Variants in VTCN1 observed in about 807,000 individuals in gnomAD.
VTCN1 encodes V-set domain containing T cell activation inhibitor 1, also known as V-set domain-containing T-cell activation inhibitor 1.
VTCN1 carries 26 observed loss-of-function variants against 26.5 expected under a neutral mutation model. The ratio of observed to expected loss-of-function variants is 0.98; its 90% confidence interval spans 0.72 to 1.36. The LOEUF (loss-of-function observed/expected upper bound fraction) is 1.36. VTCN1 is among the 40% of genes most tolerant of loss of function. The pLI, the probability that VTCN1 is intolerant of heterozygous loss-of-function variation, is 0.00. For missense variants in VTCN1, 298 were observed against 337.7 expected (o/e 0.88, Z 0.92); for synonymous variants, 116 against 130.7 (o/e 0.89, Z 0.77).
rs1029076811 is a variant in VTCN1 at position 117,167,497 on chromosome 1, T to A, written c.97+2610A>T. Among the ~76,000 whole-genome samples, 33 of 152,342 alleles carry A rather than the reference T, an allele frequency of 2.2e-4. No individual in the cohort carries two copies. Among genetic ancestry groups the A allele is most frequent in the African/African-American group, 7.0e-4 (29 of 41,568 alleles). On this transcript the variant is annotated intron_variant, in intron 2 of 5. Coordinates refer to ENST00000369458, the MANE Select transcript of VTCN1 (RefSeq NM_024626.4). The surrounding 1 kb of genome is among the most constrained non-coding windows in gnomAD (Gnocchi z 4.1). ...TGCTCTTCTGTAGTTCCACATTATG[T>A]TTTGCATATGAAAATGTACTCAGTC...
chr1:117,194,573 C>A (rs888111603), intron 1 of VTCN1, among the ~76,000 whole-genome samples: 1 of 152,174 alleles, frequency 6.6e-6, no homozygotes, highest in Admixed American at 6.5e-5. Flanking sequence ...TGTACCCCCA[C>A]GTTCATTGCA....
At chr1:117,179,927 T>TA (rs1647588309) in intron 1 of VTCN1, among the ~76,000 whole-genome samples, 1 of 152,134 alleles carries the variant, frequency 6.6e-6, no homozygotes, top group African/African-American at 2.4e-5. Flanking sequence ...CCTGGGAAAT[T>TA]AAAGAGAGCA....
chr1:117,158,305 G>C (rs1477955235), intron 2 of VTCN1, among the ~76,000 whole-genome samples: 1 of 152,206 alleles, frequency 6.6e-6, no homozygotes, highest in African/African-American at 2.4e-5. Flanking sequence ...GCAATCTTCT[G>C]CCTGGGCATC....
chr1:117,204,636 G>T (rs1282437139), intron 1 of VTCN1, among the ~76,000 whole-genome samples: 1 of 152,096 alleles, frequency 6.6e-6, no homozygotes, highest in Non-Finnish European at 1.5e-5. Flanking sequence ...GGAGGCCGAG[G>T]TGGGTGGATC....
At chr1:117,196,193 A>G (rs10923219) in intron 1 of VTCN1, among the ~76,000 whole-genome samples, 56,669 of 151,968 alleles carry the variant, frequency 0.37, 13,120 homozygotes, top group East Asian at 0.75. Flanking sequence ...AATTTTGGCA[A>G]ATAATTGAAG....
At chr1:117,171,679 C>T (rs1406429792) in intron 1 of VTCN1, among the ~76,000 whole-genome samples, 2 of 152,158 alleles carry the variant, frequency 1.3e-5, no homozygotes, top group East Asian at 1.9e-4. Context: ...GTTGTTCCAA[C>T]CAAGCAGCAT....
intron 4 of VTCN1, among the ~76,000 whole-genome samples, chr1:117,149,909 C>T (rs897437068): frequency 1.3e-5 from 2 of 152,182 alleles, no homozygotes; most frequent in Admixed American, 6.5e-5. Flanking sequence ...TGTATTTCAT[C>T]CTAGCCTGAC....
chr1:117,188,242 G>A (rs957005849), intron 1 of VTCN1, among the ~76,000 whole-genome samples: 10 of 152,084 alleles, frequency 6.6e-5, no homozygotes, highest in African/African-American at 1.9e-4. Context: ...GGAGAGAGAC[G>A]GACAGACAGA....
At chr1:117,201,738 ACATTATGGT>A (rs1648798795) in intron 1 of VTCN1, among the ~76,000 whole-genome samples, 1 of 152,202 alleles carries the variant, frequency 6.6e-6, no homozygotes, top group Non-Finnish European at 1.5e-5. Context: ...CTATGACCCT[ACATTATGGT>A]CATTAGACAA....
rs1433357997 is a variant in VTCN1 at position 117,167,146 on chromosome 1, A to T, written c.97+2961T>A. 6.6e-6 allele frequency among the ~76,000 whole-genome samples: 1 copy of T among 152,190 alleles called. No homozygotes were observed. Among genetic ancestry groups the T allele is most frequent in the Non-Finnish European group, 1.5e-5 (1 of 68,036 alleles). ...AAACATAAAATGTATATATACATAC[A>T]TGACATTATATGCATTTTATGTTTT... is the stretch of plus-strand genomic sequence containing the variant. On this transcript the variant is annotated intron_variant, in intron 2 of 5. Transcript: ENST00000369458. The surrounding 1 kb of genome is among the most constrained non-coding windows in gnomAD (Gnocchi z 4.1).
At chr1:117,154,738 G>A (rs574399341) in intron 3 of VTCN1, among the ~76,000 whole-genome samples, 2 of 145,772 alleles carry the variant, frequency 1.4e-5, no homozygotes, top group South Asian at 2.2e-4. Flanking sequence ...AGCCGAGATC[G>A]TGCTGTTGTA....
At chr1:117,165,375 C>T (rs1187103912) in intron 2 of VTCN1, among the ~76,000 whole-genome samples, 1 of 152,154 alleles carries the variant, frequency 6.6e-6, no homozygotes, top group East Asian at 1.9e-4. Flanking sequence ...AGATATTTGT[C>T]TTCACCCAAA....
intron 1 of VTCN1, 179 bp from the exon 2 acceptor site, chr1:117,170,350 A>G (rs1439723535): frequency 1.4e-6 from 1 of 711,660 alleles, no homozygotes; most frequent in Admixed American, 1.8e-5. Context: ...CAGCAATTCC[A>G]TCCCCATCCC....
chr1:117,195,072 C>CCTGA (rs35803945), intron 1 of VTCN1, among the ~76,000 whole-genome samples: 34,082 of 151,344 alleles, frequency 0.23, 5,172 homozygotes, highest in African/African-American at 0.43. Context: ...TCGAGACCAG[C>CCTGA]CTAATATAGT....
At chr1:117,194,975 T>C (rs1008308573) in intron 1 of VTCN1, among the ~76,000 whole-genome samples, 2 of 152,052 alleles carry the variant, frequency 1.3e-5, no homozygotes, top group Non-Finnish European at 2.9e-5. Flanking sequence ...TTAATAATAT[T>C]GTTTTGTAGG....
intron 1 of VTCN1, among the ~76,000 whole-genome samples, chr1:117,199,159 A>G (rs931300648): frequency 6.6e-6 from 1 of 152,190 alleles, no homozygotes; most frequent in African/African-American, 2.4e-5. Flanking sequence ...CCTAATGTAC[A>G]TTAACAAGTA....
intron 1 of VTCN1, among the ~76,000 whole-genome samples, chr1:117,174,867 G>A (rs59552239): frequency 0.068 from 10,298 of 152,246 alleles, 1,156 homozygotes; most frequent in African/African-American, 0.23. Context: ...CTCTGTCCAA[G>A]GCAGAAACAC....
At chr1:117,209,188 C>A (rs1649240053) in intron 1 of VTCN1, among the ~76,000 whole-genome samples, 2 of 152,170 alleles carry the variant, frequency 1.3e-5, no homozygotes, top group Admixed American at 1.3e-4. Context: ...TCTGTTGATT[C>A]CAGTGGGTTT....
chr1:117,171,182 CTCAT>C (rs1449469770), intron 1 of VTCN1, among the ~76,000 whole-genome samples: 1 of 152,196 alleles, frequency 6.6e-6, no homozygotes, highest in Non-Finnish European at 1.5e-5. Context: ...AGGACATGAA[CTCAT>C]TCTTTTTTAT....
Sources: gnomAD v4.1 joint callset for allele counts (sites outside exome capture counted in the v4.1 genomes callset) on GRCh38, gnomAD v4.1.1 for gene constraint, Gnocchi (gnomAD v3.1) non-coding constraint, MANE v1.5 for transcripts, NCBI Gene and HGNC (gene_info 2026-07-23, HGNC 2026-07-21) for gene names.